MED13L: variants seen among roughly 807,000 people sequenced by gnomAD.
MED13L encodes the protein mediator of RNA polymerase II transcription subunit 13-like.
In MED13L, 7 loss-of-function variants were observed where a neutral mutation model predicts 220.9. The ratio of observed to expected loss-of-function variants is 0.03; its 90% confidence interval spans 0.02 to 0.06. The LOEUF (loss-of-function observed/expected upper bound fraction) is 0.06. Among genes scored for constraint, MED13L ranks in the 10% least tolerant of loss-of-function variants. The pLI is 1.00. For synonymous variants in MED13L, 1,011 were observed against 1,015.2 expected, an observed-to-expected ratio of 1.00 and a Z score of 0.08; for missense variants, 1,965 against 2,760.5, an observed-to-expected ratio of 0.71 and a Z score of 6.46.
intron 1 of MED13L, among the ~76,000 whole-genome samples, chr12:116,255,273 C>A (rs1416806815): frequency 6.6e-6 from 1 of 152,146 alleles, no homozygotes. Context: ...ATTCTAAGGT[C>A]ATTCAATAAG....
chr12:116,212,984 C>T (rs1244669500), intron 2 of MED13L, among the ~76,000 whole-genome samples: 1 of 151,998 alleles, frequency 6.6e-6, no homozygotes, highest in East Asian at 1.9e-4. Context: ...AGATGGCTAG[C>T]CTAAAAAGAA....
At chr12:116,005,834 C>G in intron 13 of MED13L, 35 bp downstream of exon 13, 2 of 1,612,886 alleles carry the variant, frequency 1.2e-6, no homozygotes. Flanking sequence ...TTTCATGTAG[C>G]GAAATTTTTG....
At chr12:116,111,391 T>C in intron 3 of MED13L, 37 bp downstream of exon 3, 8 of 1,545,364 alleles carry the variant, frequency 5.2e-6, no homozygotes, top group South Asian at 1.1e-5. Flanking sequence ...ATATACTTGG[T>C]TGTCTGCAAA....
At chr12:115,970,511 A>G in intron 27 of MED13L, 83 bp downstream of exon 27, 1 of 1,442,716 alleles carries the variant, frequency 6.9e-7, no homozygotes. Context: ...AACACAGAAA[A>G]GCCATGCGGC....
In MED13L at chr12:116,022,498, C is replaced by G; in HGVS notation, c.583G>C (p.Glu195Gln). Residue 195 changes from glutamate (E) to glutamine (Q), a missense_variant, in exon 5 of 31, where the codon GAG becomes CAG. Glu to Gln is a conservative substitution (Grantham distance 29, BLOSUM62 2). This residue lies in a region of MED13L where 818 missense variants were observed against 1,041.2 expected (regional missense o/e 0.79). Transcript: ENST00000281928. The stretch of plus-strand genomic sequence containing the variant: ...GAAGACTGAGCCATGTGTATATGCT[C>G]CTCATTGATCAAATAAATTGGCTGG... The part of the protein sequence containing the change: ...QHQPIYLINE[E>Q]HIHMAQSSPA... The G allele has an allele frequency of 6.8e-6, 11 of 1,613,748 alleles. No individual in the cohort carries two copies. Among genetic ancestry groups the G allele is most frequent in the Non-Finnish European group, 9.3e-6 (11 of 1,179,880 alleles).
Position 115,959,881 on chromosome 12 carries a change from T to C in MED13L, c.*1385A>G, listed in dbSNP as rs1319921035. On this transcript the variant is annotated 3_prime_UTR_variant, in exon 31 of 31. Transcript: ENST00000281928. ...CATGGAAGTCTCTTGGAAGAACTTT[T>C]AAAATTTGCATGATTCTCTCCACAG... 3 of 152,610 alleles carry C rather than the reference T, an allele frequency of 2.0e-5. No homozygotes were observed. Among genetic ancestry groups the C allele is most frequent in the Non-Finnish European group, 2.9e-5 (2 of 68,036 alleles). The allele number at this position is 152,610 out of a possible 1,614,324, so 9.5% of individuals were successfully genotyped here.
Position 115,961,416 on chromosome 12 carries a change from C to CA in MED13L, c.6501-19dup, listed in dbSNP as rs1565980184. On this transcript the variant is annotated intron_variant, in intron 30 of 30. Transcript: ENST00000281928. ...AAACAAACCTGCCAAAGAGAACACA[C>CA]AGAGCAGGGGCGTGAGCCTCAAGAG... 6.2e-7 allele frequency: 1 copy of CA among 1,613,080 alleles called. No individual in the cohort carries two copies. Among genetic ancestry groups the CA allele is most frequent in the East Asian group, 2.2e-5 (1 of 44,876 alleles).
Position 115,980,944 on chromosome 12 carries a change from G to T in MED13L, c.5176-6C>A. 1 of 1,605,004 alleles carries T rather than the reference G, an allele frequency of 6.2e-7. No homozygotes were observed. ...ATGTACTGGCAAGGCACAATCTAAAGACACAAATACAAAAAAAAAACAAAA... is the reference window on the plus strand; with the variant it reads ...ATGTACTGGCAAGGCACAATCTAAATACACAAATACAAAAAAAAAACAAAA... On this transcript the variant is annotated splice_polypyrimidine_tract_variant and splice_region_variant and intron_variant, in intron 22 of 30. Transcript: ENST00000281928.
intron 1 of MED13L, among the ~76,000 whole-genome samples, chr12:116,270,655 C>A (rs1873225296): frequency 6.6e-6 from 1 of 152,104 alleles, no homozygotes; most frequent in Non-Finnish European, 1.5e-5. Context: ...AATGAAATAT[C>A]ATCTCCCCTA....
At chr12:116,139,712 A>G (rs534017130) in intron 2 of MED13L, among the ~76,000 whole-genome samples, 2 of 152,266 alleles carry the variant, frequency 1.3e-5, no homozygotes, top group African/African-American at 4.8e-5. Context: ...TTTGCTGGAT[A>G]GGCCGCGTGT....
At chr12:116,167,894 C>G (rs1344402936) in intron 2 of MED13L, among the ~76,000 whole-genome samples, 1 of 152,048 alleles carries the variant, frequency 6.6e-6, no homozygotes, top group Non-Finnish European at 1.5e-5. Flanking sequence ...AATCAACAAA[C>G]AAGTTTATTT....
chr12:116,031,568 G>T (rs1880739468), intron 4 of MED13L, among the ~76,000 whole-genome samples: 1 of 132,058 alleles, frequency 7.6e-6, no homozygotes, highest in Admixed American at 8.2e-5. Context: ...CTCCAGCCTG[G>T]GCAACAGAGC....
intron 2 of MED13L, among the ~76,000 whole-genome samples, chr12:116,207,322 C>T (rs554557932): frequency 3.9e-5 from 6 of 151,950 alleles, no homozygotes; most frequent in South Asian, 2.1e-4. Context: ...TAGGTATGTT[C>T]GGAAACACAA....
At chr12:115,990,855 T>C (rs1337185415) in intron 17 of MED13L, among the ~76,000 whole-genome samples, 165 bp downstream of exon 17, 1 of 152,214 alleles carries the variant, frequency 6.6e-6, no homozygotes, top group African/African-American at 2.4e-5. Context: ...ATTCTCCCAG[T>C]CCATAAGTTT....
chr12:116,181,972 G>A (rs544793304), intron 2 of MED13L, among the ~76,000 whole-genome samples: 1 of 152,232 alleles, frequency 6.6e-6, no homozygotes, highest in East Asian at 1.9e-4. Context: ...TTCCAATGCT[G>A]AGACCTAAAA....
intron 3 of MED13L, among the ~76,000 whole-genome samples, chr12:116,105,661 A>G (rs868824845): frequency 1.3e-5 from 2 of 152,220 alleles, no homozygotes; most frequent in African/African-American, 2.4e-5. Context: ...TTTCAGTAAC[A>G]TAACTGGCCA....
At chr12:116,077,389 A>G (rs1330289903) in intron 4 of MED13L, among the ~76,000 whole-genome samples, 3 of 152,238 alleles carry the variant, frequency 2.0e-5, no homozygotes, top group Non-Finnish European at 4.4e-5. Flanking sequence ...TAGAATATAG[A>G]TAACAAAACA....
chr12:115,984,006 A>G (rs1049942345), intron 20 of MED13L, among the ~76,000 whole-genome samples, 174 bp downstream of exon 20: 1 of 152,246 alleles, frequency 6.6e-6, no homozygotes, highest in African/African-American at 2.4e-5. Context: ...TTTAAAAAAT[A>G]TATGTCCATA....
intron 2 of MED13L, among the ~76,000 whole-genome samples, chr12:116,186,240 C>T (rs1373880482): frequency 6.6e-6 from 1 of 152,126 alleles, no homozygotes; most frequent in Non-Finnish European, 1.5e-5. Flanking sequence ...AGTTGTGTAT[C>T]TTCATGTTTT....
Sources: gnomAD v4.1 joint callset for allele counts (sites outside exome capture counted in the v4.1 genomes callset) on GRCh38, gnomAD v4.1.1 for gene constraint, gnomAD v4.1.1 regional missense constraint, MANE v1.5 for transcripts, NCBI Gene and HGNC (gene_info 2026-07-23, HGNC 2026-07-21) for gene names.